The following TP63 variants were observed in gnomAD, a reference collection of about 807,000 sequenced individuals.
TP63 encodes the protein tumor protein 63.
TP63 carries 17 observed loss-of-function variants against 82.8 expected under a neutral mutation model. The ratio of observed to expected loss-of-function variants is 0.21; its 90% CI spans 0.14 to 0.31. The LOEUF (loss-of-function observed/expected upper bound fraction) is 0.31. Among genes scored for constraint, TP63 ranks in the 10% least tolerant of loss-of-function variants. The pLI is 1.00. For synonymous variants in TP63, 330 were observed against 321.7 expected (o/e 1.03, Z -0.28); for missense variants, 648 against 895.3 (o/e 0.72, Z 3.52).
intron 1 of TP63, among the ~76,000 whole-genome samples, chr3:189,651,304 G>A (rs1216219412): frequency 6.8e-6 from 1 of 146,866 alleles, no homozygotes; most frequent in Non-Finnish European, 1.5e-5. Flanking sequence ...CCAGCACTTT[G>A]GGAGGCCAAG....
In TP63 at chr3:189,689,098, C is replaced by CTTTTTTTTTTTTTTTTTTT. The variant is rs1383931117; in HGVS notation, c.63-48637_63-48636insTTTTTTTTTTTTTTTTTTT. Among the ~76,000 whole-genome samples the CTTTTTTTTTTTTTTTTTTT allele has an allele frequency of 1.3e-4, 11 of 85,138 alleles. 4 individuals carry two copies. Among genetic ancestry groups the CTTTTTTTTTTTTTTTTTTT allele is most frequent in the Non-Finnish European group, 1.3e-4 (6 of 46,814 alleles). The allele number at this position is 85,138 out of a possible 152,430, so 55.9% of individuals were successfully genotyped here. On this transcript the variant is annotated intron_variant, in intron 1 of 13. Coordinates refer to ENST00000264731, the MANE Select transcript of TP63 (RefSeq NM_003722.5). ...CAGAGTGGCCAGCATTCAAATCTACCTTTTTCTTTTTTTTTTTTTTTTTTT... is the reference window on the plus strand; with the variant it reads ...CAGAGTGGCCAGCATTCAAATCTACCTTTTTTTTTTTTTTTTTTTTTTTTCTTTTTTTTTTTTTTTTTTT...
chr3:189,825,125 C>A (rs1407592614), intron 4 of TP63, among the ~76,000 whole-genome samples: 1 of 152,204 alleles, frequency 6.6e-6, no homozygotes, highest in Admixed American at 6.5e-5. Flanking sequence ...TGCAGGAGAA[C>A]ATCTGCAACA....
intron 3 of TP63, among the ~76,000 whole-genome samples, chr3:189,775,220 C>CAAAAAAA (rs56288032): frequency 1.7e-4 from 16 of 92,994 alleles, no homozygotes; most frequent in East Asian, 3.1e-4. Flanking sequence ...AACTCTGTCT[C>CAAAAAAA]AAAAAAAAAA....
At chr3:189,694,495 TG>T (rs1304455852) in intron 1 of TP63, among the ~76,000 whole-genome samples, 5 of 152,180 alleles carry the variant, frequency 3.3e-5, no homozygotes, top group African/African-American at 1.2e-4. Context: ...TTGGTAACCT[TG>T]ACTGTCTTAA....
At chr3:189,749,582 T>C (rs1401133433) in intron 3 of TP63, among the ~76,000 whole-genome samples, 1 of 152,162 alleles carries the variant, frequency 6.6e-6, no homozygotes, top group Non-Finnish European at 1.5e-5. Context: ...GTATTCACTG[T>C]TGGTAGGAAT....
intron 3 of TP63, among the ~76,000 whole-genome samples, chr3:189,794,610 G>C (rs939776109): frequency 6.6e-6 from 1 of 151,942 alleles, no homozygotes; most frequent in Admixed American, 6.6e-5. Flanking sequence ...ATTATGAGAC[G>C]ATCAGGAAAT....
intron 10 of TP63, among the ~76,000 whole-genome samples, chr3:189,876,850 T>C (rs1369537942): frequency 2.0e-5 from 3 of 152,178 alleles, no homozygotes; most frequent in Non-Finnish European, 1.5e-5. Context: ...ATAAATCAGC[T>C]TGGAAAATAC....
At chr3:189,759,093 A>G (rs1302778147) in intron 3 of TP63, among the ~76,000 whole-genome samples, 1 of 152,230 alleles carries the variant, frequency 6.6e-6, no homozygotes, top group African/African-American at 2.4e-5. Context: ...TTTAAATCTT[A>G]GCATGATAAT....
the TP63 span, among the ~76,000 whole-genome samples, chr3:189,603,384 C>T: frequency 2.0e-5 from 3 of 152,084 alleles, no homozygotes; most frequent in African/African-American, 7.2e-5. Context: ...TTTTCTTCTT[C>T]TCCTTATCCT....
the TP63 span, among the ~76,000 whole-genome samples, chr3:189,604,298 G>A: frequency 6.6e-6 from 1 of 152,164 alleles, no homozygotes; most frequent in African/African-American, 2.4e-5. Context: ...AATAAATGTA[G>A]TATGTCTGGC....
At chr3:189,610,188 C>G in the TP63 span, among the ~76,000 whole-genome samples, 1 of 152,026 alleles carries the variant, frequency 6.6e-6, no homozygotes, top group Non-Finnish European at 1.5e-5. Flanking sequence ...TGAGAAGTGT[C>G]TGTTCATGCA....
At chr3:189,728,854 C>T (rs1392524123) in intron 1 of TP63, among the ~76,000 whole-genome samples, 1 of 152,162 alleles carries the variant, frequency 6.6e-6, no homozygotes, top group African/African-American at 2.4e-5. Flanking sequence ...CCAATTACTT[C>T]CTCCTGGTCC....
chr3:189,725,647 T>TG (rs1719720734), intron 1 of TP63, among the ~76,000 whole-genome samples: 1 of 151,910 alleles, frequency 6.6e-6, no homozygotes, highest in African/African-American at 2.4e-5. Flanking sequence ...GGGCAGATGG[T>TG]GGGGGAGGAA....
At chr3:189,887,867 T>TC (rs1385488174) in intron 11 of TP63, among the ~76,000 whole-genome samples, 1 of 151,442 alleles carries the variant, frequency 6.6e-6, no homozygotes, top group Non-Finnish European at 1.5e-5. Flanking sequence ...TTTTTTTTTT[T>TC]TTTTTTTAGA....
chr3:189,738,406 T>A (rs1720751417), intron 2 of TP63, among the ~76,000 whole-genome samples: 1 of 152,190 alleles, frequency 6.6e-6, no homozygotes, highest in African/African-American at 2.4e-5. Flanking sequence ...CCAGTAATTA[T>A]CTGAGGAGGG....
intron 1 of TP63, among the ~76,000 whole-genome samples, chr3:189,700,305 GA>G (rs1056852732): frequency 3.3e-5 from 5 of 152,146 alleles, no homozygotes; most frequent in African/African-American, 9.6e-5. Context: ...CAGGCATTAT[GA>G]AAAAAATGGT....
At chr3:189,675,391 T>C (rs1193157070) in intron 1 of TP63, among the ~76,000 whole-genome samples, 3 of 152,140 alleles carry the variant, frequency 2.0e-5, no homozygotes, top group African/African-American at 7.2e-5. Flanking sequence ...AAAAAATTAC[T>C]GTCTATAGGT....
chr3:189,772,407 G>A (rs1363970390), intron 3 of TP63, among the ~76,000 whole-genome samples: 1 of 152,168 alleles, frequency 6.6e-6, no homozygotes, highest in Non-Finnish European at 1.5e-5. Flanking sequence ...ATACTATGAT[G>A]CTTCCTTTAG....
chr3:189,766,036 T>G (rs1576906864), intron 3 of TP63, among the ~76,000 whole-genome samples: 1 of 151,996 alleles, frequency 6.6e-6, no homozygotes, highest in Non-Finnish European at 1.5e-5. Flanking sequence ...TCTAAATAGG[T>G]TTTTAAGAAA....
Sources: gnomAD v4.1 joint callset for allele counts (sites outside exome capture counted in the v4.1 genomes callset) on GRCh38, gnomAD v4.1.1 for gene constraint, MANE v1.5 for transcripts, NCBI Gene and HGNC (gene_info 2026-07-23, HGNC 2026-07-21) for gene names.